Variants in TPTE observed in about 807,000 individuals in gnomAD.
The protein encoded by TPTE is putative tyrosine-protein phosphatase TPTE.
In TPTE, 59 loss-of-function variants were observed where a neutral mutation model predicts 84.1. The observed-to-expected ratio is 0.70, with a 90% CI of 0.57 to 0.87. TPTE has a LOEUF of 0.87. Among genes scored for constraint, TPTE ranks in the 40% least tolerant of loss-of-function variants. TPTE has a pLI of 0.00. For missense variants in TPTE, 382 were observed against 659.6 expected (o/e 0.58, Z 4.61); for synonymous variants, 130 against 223.5 (o/e 0.58, Z 3.73).
intron 2 of TPTE, among the ~76,000 whole-genome samples, chr21:10,525,706 T>G (rs1394233785): frequency 2.0e-5 from 3 of 152,308 alleles, no homozygotes; most frequent in Non-Finnish European, 4.4e-5. Context: ...TTAGGACGGT[T>G]TGCAATTCTC....
At chr21:10,522,067 C>T in intron 1 of TPTE, among the ~76,000 whole-genome samples, 1 of 151,806 alleles carries the variant, frequency 6.6e-6, no homozygotes, top group Non-Finnish European at 1.5e-5. Flanking sequence ...CGCCCCCCGC[C>T]CGCGCCAGCC....
At chr21:10,549,935 T>G (rs1454395700) in intron 7 of TPTE, among the ~76,000 whole-genome samples, 15 of 152,300 alleles carry the variant, frequency 9.8e-5, no homozygotes, top group Admixed American at 2.6e-4. Flanking sequence ...GTAACACACT[T>G]ATAATGGAAT....
At chr21:10,592,805 G>GGTTGTGTGTGTGTGTGTGTGTGT (rs1555820854) in intron 19 of TPTE, among the ~76,000 whole-genome samples, 2 of 148,852 alleles carry the variant, frequency 1.3e-5, no homozygotes, top group African/African-American at 5.0e-5. Context: ...GATGACTCCT[G>GGTTGTGTGTGTGTGTGTGTGTGT]GTGTGTGTGT....
At chr21:10,542,507 C>T (rs2074387882) in intron 6 of TPTE, 59 bp downstream of exon 6, 2 of 1,593,698 alleles carry the variant, frequency 1.3e-6, no homozygotes, top group Admixed American at 1.7e-5. Context: ...ACTATACACA[C>T]ACAGGCACAT....
In TPTE at chr21:10,554,664, T is replaced by C. The variant is rs2074643978; in HGVS notation, c.233+1948T>C. Among the ~76,000 whole-genome samples, 3 of 152,308 alleles carry C rather than the reference T, an allele frequency of 2.0e-5. No individual in the cohort carries two copies. In the South Asian group the frequency reaches 6.2e-4, roughly 31 times the overall value. The stretch of plus-strand genomic sequence containing the variant: ...TTTAATCCTCATGTAATCAAATGTA[T>C]CTGTACTTTTCTTTGTGATTTTGCC... On this transcript the variant is annotated intron_variant, in intron 8 of 23. Transcript: ENST00000618007.
intron 3 of TPTE, among the ~76,000 whole-genome samples, chr21:10,535,954 G>A (rs1344222105): frequency 6.6e-6 from 1 of 152,308 alleles, no homozygotes; most frequent in African/African-American, 2.4e-5. Context: ...TAAGAGGCAT[G>A]TTTCCTTACA....
chr21:10,525,997 A>C (rs1193484155), intron 2 of TPTE, among the ~76,000 whole-genome samples: 1 of 152,302 alleles, frequency 6.6e-6, no homozygotes, highest in Non-Finnish European at 1.5e-5. Flanking sequence ...GTAATCATTT[A>C]ATAAGGCTGC....
chr21:10,570,124 C>A (rs1426908577), intron 13 of TPTE, among the ~76,000 whole-genome samples: 1 of 152,302 alleles, frequency 6.6e-6, no homozygotes, highest in Admixed American at 6.5e-5. Flanking sequence ...CAGAGGGCTG[C>A]AAAGCACCTT....
At chr21:10,576,878 GAC>G (rs2075165420) in intron 14 of TPTE, among the ~76,000 whole-genome samples, 1 of 97,008 alleles carries the variant, frequency 1.0e-5, no homozygotes, top group Non-Finnish European at 2.4e-5. Context: ...TATATATATA[GAC>G]ACACACTTTA....
chr21:10,599,537 A>T (rs182492), intron 21 of TPTE, among the ~76,000 whole-genome samples: 25,650 of 132,994 alleles, frequency 0.19, 19 homozygotes, highest in African/African-American at 0.46. Flanking sequence ...ATTAAATTAG[A>T]TAATATATAT....
chr21:10,604,915 A>C (rs545065249), intron 23 of TPTE, among the ~76,000 whole-genome samples: 1 of 152,302 alleles, frequency 6.6e-6, no homozygotes, highest in Non-Finnish European at 1.5e-5. Flanking sequence ...GCTAACTTCT[A>C]TCATTGAGAA....
chr21:10,544,124 G>C (rs982823255), intron 7 of TPTE, among the ~76,000 whole-genome samples: 1 of 152,304 alleles, frequency 6.6e-6, no homozygotes, highest in Non-Finnish European at 1.5e-5. Flanking sequence ...AAAGGTGTAA[G>C]TAATATGGAA....
chr21:10,592,155 ACT>A (rs2075489900), intron 18 of TPTE, 136 bp from the exon 19 acceptor site: 2 of 1,418,746 alleles, frequency 1.4e-6, no homozygotes, highest in South Asian at 1.3e-5. Flanking sequence ...ACAGAGCAAG[ACT>A]CTACCAAAAA....
chr21:10,543,938 G>T (rs939101327), intron 7 of TPTE, among the ~76,000 whole-genome samples: 19 of 152,306 alleles, frequency 1.2e-4, no homozygotes, highest in Non-Finnish European at 2.2e-4. Context: ...GTCCACATGT[G>T]AGGTTGGTGC....
intron 5 of TPTE, among the ~76,000 whole-genome samples, chr21:10,541,533 C>A (rs1392216079): frequency 7.9e-5 from 12 of 152,380 alleles, no homozygotes; most frequent in South Asian, 2.1e-4. Context: ...AGAAAGAGAC[C>A]GAGATTAGTG....
intron 3 of TPTE, among the ~76,000 whole-genome samples, chr21:10,538,194 A>T (rs2074302071): frequency 6.6e-6 from 1 of 152,304 alleles, no homozygotes; most frequent in Non-Finnish European, 1.5e-5. Context: ...ACCCTGCAGA[A>T]CTCTGCCACA....
At chr21:10,521,910 C>T (rs1204431093) in intron 1 of TPTE, among the ~76,000 whole-genome samples, 1 of 152,272 alleles carries the variant, frequency 6.6e-6, no homozygotes, top group African/African-American at 2.4e-5. Flanking sequence ...CGACGCCTCC[C>T]TCCCTCCCTC....
At chr21:10,548,208 C>G (rs1254063697) in intron 7 of TPTE, among the ~76,000 whole-genome samples, 1 of 152,306 alleles carries the variant, frequency 6.6e-6, no homozygotes, top group Non-Finnish European at 1.5e-5. Context: ...TGGGAGCTTA[C>G]TCAGGCCAAC....
chr21:10,560,284 A>G (rs545532726), intron 9 of TPTE, among the ~76,000 whole-genome samples: 203 of 152,332 alleles, frequency 1.3e-3, no homozygotes, highest in African/African-American at 4.6e-3. Context: ...TCTCTACATA[A>G]GAGTAAGATT....
Sources: gnomAD v4.1 joint callset for allele counts (sites outside exome capture counted in the v4.1 genomes callset) on GRCh38, gnomAD v4.1.1 for gene constraint, MANE v1.5 for transcripts, NCBI Gene and HGNC (gene_info 2026-07-23, HGNC 2026-07-21) for gene names.